Variants in ZNF346 observed in about 807,000 individuals in gnomAD.
ZNF346 encodes zinc finger protein 346.
A neutral mutation model predicts 33.7 loss-of-function variants in ZNF346; 23 were observed. The ratio of observed to expected loss-of-function variants is 0.68; its 90% CI spans 0.49 to 0.97. The LOEUF is 0.97. Ranked by LOEUF, ZNF346 falls within the 50% of genes least tolerant of loss-of-function variation. The probability of loss-of-function intolerance (pLI) is 0.00; values close to 1 mark genes in which losing one functional copy is unlikely to be tolerated. For missense variants in ZNF346, 340 were observed against 371.1 expected, an observed-to-expected ratio of 0.92 and a Z score of 0.69; for synonymous variants, 134 against 142.4, an observed-to-expected ratio of 0.94 and a Z score of 0.42.
At chr5:177,073,067 T>C (rs1783581188) in intron 8 of ZNF346, among the ~76,000 whole-genome samples, 1 of 152,216 alleles carries the variant, frequency 6.6e-6, no homozygotes, top group Middle Eastern at 3.2e-3. Context: ...TGTGTTCCCC[T>C]CTAGCATAGC....
chr5:177,023,191 C>G (rs1776115920), intron 1 of ZNF346: 1 of 1,536,606 alleles, frequency 6.5e-7, no homozygotes, highest in Middle Eastern at 1.7e-4. Context: ...GGACTGTCAT[C>G]CCTATACTCG....
At position 177,067,810 on chromosome 5, in the gene ZNF346, A is replaced by G. The variant is rs928018812; in HGVS notation, c.*3211A>G. Among the ~76,000 whole-genome samples, 6 of 152,150 alleles carry G rather than the reference A, an allele frequency of 3.9e-5. No individual in the cohort carries two copies. Among genetic ancestry groups the G allele is most frequent in the African/African-American group, 1.4e-4 (6 of 41,416 alleles). On this transcript the variant is annotated 3_prime_UTR_variant, in exon 7 of 7. Transcript: ENST00000358149. ...CCTTTGAGCTAAGAGTTAATATTCC[A>G]TATAGAGAAGGAGGCCAGGCAGGGT...
downstream of ZNF346, among the ~76,000 whole-genome samples, chr5:177,072,414 C>T (rs1296534900): frequency 2.0e-5 from 3 of 152,218 alleles, no homozygotes; most frequent in East Asian, 5.8e-4. Context: ...AAACCTGCTC[C>T]ATTCTCAGAT....
At chr5:177,042,670 C>A (rs1252955753) in intron 3 of ZNF346, among the ~76,000 whole-genome samples, 4 of 152,140 alleles carry the variant, frequency 2.6e-5, no homozygotes, top group Non-Finnish European at 4.4e-5. Context: ...ATTTACTGGA[C>A]TCATCCCCTG....
At chr5:177,030,439 T>G (rs1480070868) in intron 1 of ZNF346, among the ~76,000 whole-genome samples, 1 of 151,792 alleles carries the variant, frequency 6.6e-6, no homozygotes, top group Non-Finnish European at 1.5e-5. Context: ...GCCAATATGG[T>G]GAAACCCCCA....
intron 3 of ZNF346, 155 bp downstream of exon 3, chr5:177,042,025 C>T (rs1779405179): frequency 1.9e-6 from 1 of 530,330 alleles, no homozygotes; most frequent in East Asian, 2.9e-5. Context: ...ATTTCTTCCT[C>T]TATAAAAATG....
chr5:177,025,109 T>C (rs184105417), intron 1 of ZNF346, among the ~76,000 whole-genome samples: 84 of 152,348 alleles, frequency 5.5e-4, no homozygotes, highest in Admixed American at 7.2e-4. Context: ...AGCTCATTTA[T>C]ATTAAATCCC....
At chr5:177,040,012 C>T (rs938556655) in intron 1 of ZNF346, among the ~76,000 whole-genome samples, 2 of 151,974 alleles carry the variant, frequency 1.3e-5, no homozygotes, top group African/African-American at 4.8e-5. Flanking sequence ...AACCCCGTCT[C>T]TACTAAAAAT....
At chr5:177,078,873 C>A (rs1325769918) in intron 8 of ZNF346, among the ~76,000 whole-genome samples, 2 of 152,154 alleles carry the variant, frequency 1.3e-5, no homozygotes, top group African/African-American at 4.8e-5. Flanking sequence ...CATGCCACTG[C>A]ACTCCAGCCT....
intron 1 of ZNF346, 69 bp downstream of exon 1, chr5:177,022,982 G>T: frequency 7.0e-7 from 1 of 1,438,418 alleles, no homozygotes. Flanking sequence ...CTGCGGAAGC[G>T]CCGACGGTCA....
chr5:177,055,353 T>G (rs1373655633), intron 5 of ZNF346, among the ~76,000 whole-genome samples: 1 of 152,068 alleles, frequency 6.6e-6, no homozygotes. Flanking sequence ...TAGATTTTTC[T>G]GAGACTTCAT....
chr5:177,037,902 C>T (rs1778736884), intron 1 of ZNF346, among the ~76,000 whole-genome samples: 2 of 152,126 alleles, frequency 1.3e-5, no homozygotes, highest in South Asian at 4.1e-4. Flanking sequence ...CATGCTGTCT[C>T]TCCAACTTAA....
chr5:177,080,596 G>A (rs1783938859), exon 9 of ZNF346: 2 of 152,218 alleles, frequency 1.3e-5, no homozygotes, highest in Non-Finnish European at 1.5e-5. Context: ...CAGATCTCCT[G>A]TGGCCAGGAG....
downstream of ZNF346, among the ~76,000 whole-genome samples, chr5:177,069,402 GAGA>G (rs1783393410): frequency 6.7e-6 from 1 of 150,124 alleles, no homozygotes; most frequent in Non-Finnish European, 1.5e-5. Flanking sequence ...CAAGTGAGCT[GAGA>G]TCGCGCCACT....
chr5:177,051,247 T>A lies in ZNF346; in HGVS notation c.703+311T>A, dbSNP rs251846. 1.2e-3 allele frequency among the ~76,000 whole-genome samples: 172 copies of A among 145,034 alleles called. 3 individuals carry two copies. The highest frequency in any genetic ancestry group is 4.0e-3 in the African/African-American group (155 of 38,480). ...TGGAGTGCAGTGGCGCGATCTCGGCTTACTGCAAGCTCCACCTCCCAGGTT... is the reference window on the plus strand; with the variant it reads ...TGGAGTGCAGTGGCGCGATCTCGGCATACTGCAAGCTCCACCTCCCAGGTT... On this transcript the variant is annotated intron_variant, in intron 5 of 6. Transcript: ENST00000358149.
rs10682528 is a variant in ZNF346 at position 177,028,040 on chromosome 5, C to CTTTTTTT, written c.175+5153_175+5159dup. Among the ~76,000 whole-genome samples, 38 of 33,540 alleles carry CTTTTTTT rather than the reference C, an allele frequency of 1.1e-3. 12 individuals carry two copies. Among genetic ancestry groups the CTTTTTTT allele is most frequent in the African/African-American group, 3.7e-3 (27 of 7,218 alleles). The allele number at this position is 33,540 out of a possible 152,430, so 22.0% of individuals were successfully genotyped here. A position where few individuals can be genotyped will look rare whatever the true frequency, so the allele number is the denominator to read the frequency against. ...GAATATTTTGTTTCTCCTTGTGTCACTTTTTTTTTTTTTTTTTTTTTTTTT... is the reference window on the plus strand; with the variant it reads ...GAATATTTTGTTTCTCCTTGTGTCACTTTTTTTTTTTTTTTTTTTTTTTTTTTTTTTT... On this transcript the variant is annotated intron_variant, in intron 1 of 6. Transcript: ENST00000358149.
intron 1 of ZNF346, among the ~76,000 whole-genome samples, chr5:177,032,370 G>A (rs1006490363): frequency 3.3e-5 from 5 of 151,738 alleles, no homozygotes; most frequent in Admixed American, 1.3e-4. Flanking sequence ...GTGCAGTGGC[G>A]CAGTCTTGGC....
At chr5:177,032,409 C>T (rs553116852) in intron 1 of ZNF346, among the ~76,000 whole-genome samples, 1 of 151,712 alleles carries the variant, frequency 6.6e-6, no homozygotes, top group African/African-American at 2.4e-5. Context: ...TGAGCCACTG[C>T]ACGCAGCTTT....
chr5:177,044,451 C>G lies in ZNF346; in HGVS notation c.435C>G (p.Ser145=). 1 of 1,614,078 alleles carries G rather than the reference C, an allele frequency of 6.2e-7. No homozygotes were observed. The highest frequency in any genetic ancestry group is 1.7e-5 in the Admixed American group (1 of 60,020). Residue 145 remains serine, a synonymous_variant, in exon 4 of 7, where the codon TCC becomes TCG. Transcript: ENST00000358149. ...CCPICNMTFS[S]PVVAQSHYLG... is the part of the protein sequence containing the mutation. ...CCATCTGTAACATGACCTTTTCCTC[C>G]CCTGTCGTGGCCCAGTCGCACTACC...
Sources: allele counts gnomAD v4.1 joint callset (sites outside exome capture counted in the v4.1 genomes callset), GRCh38; gene constraint gnomAD v4.1.1; transcripts MANE v1.5; gene names NCBI Gene and HGNC (gene_info 2026-07-23, HGNC 2026-07-21).